Variants in SUCLG2 observed in about 807,000 individuals in gnomAD.
SUCLG2 encodes the protein succinate--CoA ligase [GDP-forming] subunit beta, mitochondrial.
In SUCLG2, 42 loss-of-function variants were observed where a neutral mutation model predicts 47.9. The ratio of observed to expected loss-of-function variants is 0.88; its 90% CI spans 0.69 to 1.14. SUCLG2 has a LOEUF of 1.14. Among genes scored for constraint, SUCLG2 ranks in the 50% most tolerant of loss-of-function variants. The probability of loss-of-function intolerance (pLI) is 0.00; values close to 1 mark genes in which losing one functional copy is unlikely to be tolerated. For synonymous variants in SUCLG2, 195 were observed against 197.3 expected, an observed-to-expected ratio of 0.99 and a Z score of 0.10; for missense variants, 571 against 525.9, an observed-to-expected ratio of 1.09 and a Z score of -0.84.
intron 7 of SUCLG2, among the ~76,000 whole-genome samples, chr3:67,503,413 C>T (rs1180521328): frequency 6.6e-6 from 1 of 152,200 alleles, no homozygotes; most frequent in East Asian, 1.9e-4. Context: ...CTCTTACATG[C>T]TTATTTCCTC....
chr3:67,441,090 G>A (rs1703751338), intron 9 of SUCLG2, among the ~76,000 whole-genome samples: 1 of 152,160 alleles, frequency 6.6e-6, no homozygotes, highest in South Asian at 2.1e-4. Flanking sequence ...CATGGATGAA[G>A]CTGGAAACCA....
chr3:67,501,452 C>T (rs1705493861), intron 7 of SUCLG2, among the ~76,000 whole-genome samples: 1 of 151,976 alleles, frequency 6.6e-6, no homozygotes, highest in African/African-American at 2.4e-5. Flanking sequence ...GCTCTAAAAC[C>T]CTTGTGATTT....
chr3:67,542,917 G>C (rs1706756888), intron 2 of SUCLG2, among the ~76,000 whole-genome samples: 1 of 152,194 alleles, frequency 6.6e-6, no homozygotes, highest in Non-Finnish European at 1.5e-5. Flanking sequence ...CAATGAGACA[G>C]AAAATTAACA....
At chr3:67,600,106 T>C (rs1472705603) in intron 2 of SUCLG2, among the ~76,000 whole-genome samples, 2 of 152,244 alleles carry the variant, frequency 1.3e-5, no homozygotes, top group East Asian at 3.8e-4. Context: ...TTAAAAATTA[T>C]GCAACTTTTG....
chr3:67,476,346 T>C (rs1704755559), intron 9 of SUCLG2, among the ~76,000 whole-genome samples: 2 of 151,988 alleles, frequency 1.3e-5, no homozygotes, highest in Non-Finnish European at 2.9e-5. Context: ...TAGATTCCCA[T>C]GAGCATGATC....
chr3:67,438,780 G>A (rs60968439), intron 9 of SUCLG2, among the ~76,000 whole-genome samples: 4,399 of 152,060 alleles, frequency 0.029, 215 homozygotes, highest in African/African-American at 0.1. Flanking sequence ...AGGATCAGAC[G>A]GATTCACGGC....
chr3:67,592,757 T>A (rs116583110), intron 2 of SUCLG2, among the ~76,000 whole-genome samples: 80 of 133,528 alleles, frequency 6.0e-4, no homozygotes, highest in African/African-American at 2.3e-3. Flanking sequence ...AAACTGAATA[T>A]CAAAGCCACA....
intron 6 of SUCLG2, among the ~76,000 whole-genome samples, chr3:67,511,970 C>T (rs978374645): frequency 6.6e-6 from 1 of 150,860 alleles, no homozygotes; most frequent in South Asian, 2.1e-4. Flanking sequence ...CCCACCTCAG[C>T]CTTTCAAATA....
At chr3:67,514,074 G>A in intron 6 of SUCLG2, 3 of 340,542 alleles carry the variant, frequency 8.8e-6, no homozygotes, top group South Asian at 2.6e-5. Flanking sequence ...AGCTGAAACA[G>A]CAGTACTTGC....
intron 1 of SUCLG2, among the ~76,000 whole-genome samples, chr3:67,631,536 G>A (rs9882828): frequency 0.074 from 11,281 of 152,066 alleles, 700 homozygotes; most frequent in African/African-American, 0.17. Flanking sequence ...CTGAGGCATA[G>A]GAATCGTTTG....
rs576040533 is a variant in SUCLG2 at position 67,374,886 on chromosome 3, C to T, written c.*858G>A. 30 of 984,638 alleles carry T rather than the reference C, an allele frequency of 3.0e-5. No individual in the cohort carries two copies. In the South Asian group the frequency reaches 9.4e-4, roughly 31 times the overall value. 61.0% of individuals were successfully genotyped at this position (984,638 alleles called of 1,614,324 possible). On this transcript the variant is annotated 3_prime_UTR_variant, in exon 11 of 11. Transcript: ENST00000307227. ...TCTTTCTACCATAAACTGGTAGATT[C>T]TGGGAGGATGAGGAGTAAGAGAGAA... is the stretch of plus-strand genomic sequence containing the variant.
chr3:67,498,976 T>C (rs1417729479), intron 7 of SUCLG2, among the ~76,000 whole-genome samples: 1 of 152,218 alleles, frequency 6.6e-6, no homozygotes, highest in African/African-American at 2.4e-5. Flanking sequence ...ACTTTTCACA[T>C]ACATGGGTTC....
chr3:67,518,168 A>C, intron 6 of SUCLG2, 79 bp downstream of exon 6: 2 of 1,171,554 alleles, frequency 1.7e-6, no homozygotes, highest in Non-Finnish European at 1.2e-6. Context: ...GGTAATCACA[A>C]ACACTAGAGG....
At chr3:67,497,175 GGT>G (rs1412263426) in intron 8 of SUCLG2, among the ~76,000 whole-genome samples, 2 of 152,140 alleles carry the variant, frequency 1.3e-5, no homozygotes, top group African/African-American at 4.8e-5. Context: ...AAGAGCTTTT[GGT>G]ATCACTTGTA....
chr3:67,631,860 T>C (rs972928313), intron 1 of SUCLG2, among the ~76,000 whole-genome samples: 6 of 152,194 alleles, frequency 3.9e-5, no homozygotes, highest in Non-Finnish European at 5.9e-5. Flanking sequence ...TTAGTATTTG[T>C]TGAATGATAA....
chr3:67,433,348 A>G (rs1327012618), intron 9 of SUCLG2, among the ~76,000 whole-genome samples: 1 of 152,052 alleles, frequency 6.6e-6, no homozygotes, highest in Non-Finnish European at 1.5e-5. Flanking sequence ...TTTTCATTCC[A>G]TTTACCAGTT....
chr3:67,633,991 C>T (rs1230965699), intron 1 of SUCLG2, among the ~76,000 whole-genome samples: 11 of 152,120 alleles, frequency 7.2e-5, no homozygotes, highest in Non-Finnish European at 2.9e-5. Context: ...ATAAAGTATT[C>T]ATTTTATAAC....
intron 2 of SUCLG2, among the ~76,000 whole-genome samples, chr3:67,599,044 T>C (rs1254928160): frequency 6.6e-6 from 1 of 152,214 alleles, no homozygotes; most frequent in African/African-American, 2.4e-5. Flanking sequence ...TACCCATTAT[T>C]GGAAACTTTA....
At chr3:67,604,850 A>G in intron 2 of SUCLG2, among the ~76,000 whole-genome samples, 1 of 152,258 alleles carries the variant, frequency 6.6e-6, no homozygotes, top group East Asian at 1.9e-4. Flanking sequence ...TTTTCAAAAT[A>G]TTTTATAAAA....
Sources: gnomAD v4.1 joint callset for allele counts (sites outside exome capture counted in the v4.1 genomes callset) on GRCh38, gnomAD v4.1.1 for gene constraint, MANE v1.5 for transcripts, NCBI Gene and HGNC (gene_info 2026-07-23, HGNC 2026-07-21) for gene names.